PGM2L1: variants seen among roughly 807,000 people sequenced by gnomAD.
PGM2L1 encodes the protein glucose 1,6-bisphosphate synthase.
In PGM2L1, 35 loss-of-function variants were observed where a neutral mutation model predicts 73.4. That is an observed-to-expected ratio of 0.48 (90% confidence interval 0.36 to 0.63). PGM2L1 has a LOEUF of 0.63. Ranked by LOEUF, PGM2L1 falls within the 30% of genes least tolerant of loss-of-function variation. The pLI, the probability that PGM2L1 is intolerant of heterozygous loss-of-function variation, is 0.00. For synonymous variants in PGM2L1, 225 were observed against 253.8 expected (o/e 0.89, Z 1.08); for missense variants, 570 against 742.0 (o/e 0.77, Z 2.69).
intron 1 of PGM2L1, among the ~76,000 whole-genome samples, chr11:74,396,190 T>A (rs1863173832): frequency 6.6e-6 from 1 of 151,318 alleles, no homozygotes; most frequent in African/African-American, 2.4e-5. Context: ...GCCCAGGAGT[T>A]CAAGGCTGCA....
At chr11:74,343,770 T>C (rs1413120556) in intron 9 of PGM2L1, among the ~76,000 whole-genome samples, 1 of 20,320 alleles carries the variant, frequency 4.9e-5, no homozygotes, top group Non-Finnish European at 8.8e-5. Context: ...TTACATTATC[T>C]TTTTTTTTTT....
intron 9 of PGM2L1, among the ~76,000 whole-genome samples, chr11:74,343,783 T>TTG (rs905704387): frequency 2.9e-5 from 4 of 138,814 alleles, no homozygotes; most frequent in African/African-American, 1.1e-4. Context: ...TTTTTTTTTT[T>TTG]TTTTTTTTTT....
intron 1 of PGM2L1, among the ~76,000 whole-genome samples, chr11:74,393,703 A>G (rs377475999): frequency 6.6e-5 from 10 of 152,160 alleles, no homozygotes; most frequent in East Asian, 1.9e-4. Flanking sequence ...GCCGTGGCCA[A>G]TTCCTGCCTC....
At chr11:74,364,464 C>T (rs1414259556) in intron 5 of PGM2L1, among the ~76,000 whole-genome samples, 2 of 152,182 alleles carry the variant, frequency 1.3e-5, no homozygotes, top group Non-Finnish European at 2.9e-5. Context: ...ATTTAGAAAA[C>T]CCCATCGTCT....
Position 74,397,884 on chromosome 11 carries a change from G to A in PGM2L1, c.111+167C>T, listed in dbSNP as rs530914063. The A allele has an allele frequency of 1.9e-4, 242 of 1,249,988 alleles. 1 individual carries two copies. The African/African-American group carries it at 3.4e-3, about 17-fold the overall frequency. 77.4% of individuals were successfully genotyped at this position (1,249,988 alleles called of 1,614,324 possible). ...TGTTGCCGCCCGGCTCTGGCAGTCCGAAGGAGCAACCCCACGCATAGGTGG... is the reference window on the plus strand; with the variant it reads ...TGTTGCCGCCCGGCTCTGGCAGTCCAAAGGAGCAACCCCACGCATAGGTGG... On this transcript the variant is annotated intron_variant, in intron 1 of 13. Coordinates refer to ENST00000298198, the MANE Select transcript of PGM2L1 (RefSeq NM_173582.6).
At chr11:74,346,111 A>C (rs959033334) in intron 8 of PGM2L1, among the ~76,000 whole-genome samples, 5 of 151,686 alleles carry the variant, frequency 3.3e-5, no homozygotes, top group African/African-American at 1.2e-4. Context: ...CTAAAAATAC[A>C]AAATTAGCCA....
intron 13 of PGM2L1, 152 bp downstream of exon 13, chr11:74,338,316 A>C (rs758948642): frequency 7.0e-6 from 5 of 714,700 alleles, no homozygotes; most frequent in Non-Finnish European, 7.9e-6. Flanking sequence ...GGGTGATGAA[A>C]ATGTTCTAAA....
At chr11:74,388,482 C>A (rs1863046525) in intron 1 of PGM2L1, among the ~76,000 whole-genome samples, 2 of 151,934 alleles carry the variant, frequency 1.3e-5, no homozygotes, top group African/African-American at 4.8e-5. Flanking sequence ...TATTCATGGA[C>A]ACTTAGGCTT....
intron 1 of PGM2L1, among the ~76,000 whole-genome samples, chr11:74,391,391 A>G (rs1863099863): frequency 1.3e-5 from 2 of 151,966 alleles, no homozygotes; most frequent in African/African-American, 4.8e-5. Context: ...CACTATTTTC[A>G]TCTAGGATTT....
chr11:74,341,417 C>T (rs201790256), intron 12 of PGM2L1, among the ~76,000 whole-genome samples: 2 of 152,100 alleles, frequency 1.3e-5, no homozygotes, highest in Admixed American at 6.5e-5. Flanking sequence ...AACTGCTGGG[C>T]GTGGTGGCTC....
At position 74,374,403 on chromosome 11, in the gene PGM2L1, T is replaced by C. The variant is rs1433322067; in HGVS notation, c.279+12A>G. On this transcript the variant is annotated intron_variant, in intron 2 of 13. Transcript: ENST00000298198. Reference sequence around the variant, plus strand: ...AGTCAAAAGTACACTCTTAATACTTTATAATACTTACCTGTGTTGACTGTA... The same window carrying C: ...AGTCAAAAGTACACTCTTAATACTTCATAATACTTACCTGTGTTGACTGTA... The C allele has an allele frequency of 3.8e-6, 6 of 1,598,472 alleles. No homozygotes were observed. Among genetic ancestry groups the C allele is most frequent in the Non-Finnish European group, 5.1e-6 (6 of 1,169,678 alleles).
intron 9 of PGM2L1, 92 bp from the exon 10 acceptor site, chr11:74,343,508 A>C: frequency 2.0e-6 from 3 of 1,523,886 alleles, no homozygotes; most frequent in Non-Finnish European, 2.6e-6. Context: ...CAACGTTCAT[A>C]TAATGATCCT....
At chr11:74,388,394 T>C (rs1863045848) in intron 1 of PGM2L1, among the ~76,000 whole-genome samples, 1 of 152,238 alleles carries the variant, frequency 6.6e-6, no homozygotes, top group Admixed American at 6.5e-5. Context: ...TCTATATATC[T>C]TGGAGGTCCT....
At chr11:74,351,971 A>T (rs569120703) in intron 5 of PGM2L1, among the ~76,000 whole-genome samples, 1,381 of 101,446 alleles carry the variant, frequency 0.014, 26 homozygotes, top group African/African-American at 0.033. Flanking sequence ...CAAAAAAAAA[A>T]ATAAATAAAA....
intron 1 of PGM2L1, among the ~76,000 whole-genome samples, chr11:74,382,861 T>A (rs944972069): frequency 2.6e-5 from 4 of 152,216 alleles, no homozygotes; most frequent in Admixed American, 6.5e-5. Context: ...GGAACACAGA[T>A]CCCACCTTTC....
In PGM2L1 at chr11:74,342,351, A is replaced by T. The variant is rs557614954; in HGVS notation, c.1632+110T>A. On this transcript the variant is annotated intron_variant, in intron 12 of 13. Transcript: ENST00000298198. The stretch of plus-strand genomic sequence containing the variant: ...TCACCTTTATAATAAACTGGTAAAC[A>T]TGAGGAAACTGGATTGAATCTCATG... 17 of 859,308 alleles carry T rather than the reference A, an allele frequency of 2.0e-5. No individual in the cohort carries two copies. In the Admixed American group the frequency reaches 5.6e-4, roughly 28 times the overall value. 53.2% of individuals were successfully genotyped at this position (859,308 alleles called of 1,614,324 possible). A position where few individuals can be genotyped will look rare whatever the true frequency, so the allele number is the denominator to read the frequency against.
At chr11:74,353,683 CAGA>C (rs1053052456) in intron 5 of PGM2L1, among the ~76,000 whole-genome samples, 6 of 149,910 alleles carry the variant, frequency 4.0e-5, no homozygotes, top group African/African-American at 1.5e-4. Context: ...CATCCCAAGG[CAGA>C]AGAATTTTTC....
intron 12 of PGM2L1, among the ~76,000 whole-genome samples, chr11:74,339,284 A>C (rs943480007): frequency 6.6e-6 from 1 of 152,192 alleles, no homozygotes; most frequent in East Asian, 1.9e-4. Context: ...AAAGAACTCT[A>C]TTTTTTATAA....
At chr11:74,348,637 C>T (rs1489721898) in intron 6 of PGM2L1, among the ~76,000 whole-genome samples, 2 of 152,122 alleles carry the variant, frequency 1.3e-5, no homozygotes, top group Admixed American at 6.6e-5. Context: ...AGGACCTGAA[C>T]GAGGTTCCAT....
Sources: gnomAD v4.1 joint callset for allele counts (sites outside exome capture counted in the v4.1 genomes callset) on GRCh38, gnomAD v4.1.1 for gene constraint, MANE v1.5 for transcripts, NCBI Gene and HGNC (gene_info 2026-07-23, HGNC 2026-07-21) for gene names.